The following SRPK1 variants were observed in gnomAD, a reference collection of about 807,000 sequenced individuals.
SRPK1 encodes the protein SFRS protein kinase 1.
SRPK1 carries 52 observed loss-of-function variants against 89.5 expected under a neutral mutation model. The observed-to-expected ratio is 0.58, with a 90% CI of 0.46 to 0.73. SRPK1 has a LOEUF of 0.73. Ranked by LOEUF, SRPK1 falls within the 30% of genes least tolerant of loss-of-function variation. The pLI is 0.00. For synonymous variants in SRPK1, 255 were observed against 270.2 expected (o/e 0.94, Z 0.55); for missense variants, 603 against 780.6 (o/e 0.77, Z 2.71).
intron 8 of SRPK1, among the ~76,000 whole-genome samples, chr6:35,871,458 CATA>C (rs1324083275): frequency 6.6e-6 from 1 of 152,180 alleles, no homozygotes; most frequent in Admixed American, 6.5e-5. Flanking sequence ...ACAAAAAACA[CATA>C]ATAAAAATTT....
At chr6:35,909,877 T>C (rs1023998107) in intron 2 of SRPK1, among the ~76,000 whole-genome samples, 2 of 152,212 alleles carry the variant, frequency 1.3e-5, no homozygotes, top group Non-Finnish European at 2.9e-5. Flanking sequence ...TGCTTCCTGG[T>C]AAGCCTGTGG....
chr6:35,902,201 G>A (rs1488387209), intron 2 of SRPK1, among the ~76,000 whole-genome samples: 1 of 141,466 alleles, frequency 7.1e-6, no homozygotes, highest in Non-Finnish European at 1.5e-5. Context: ...CTTGAGCCCA[G>A]CCTGGGCCAG....
intron 12 of SRPK1, among the ~76,000 whole-genome samples, chr6:35,857,681 T>C (rs1392728169): frequency 2.0e-5 from 3 of 152,242 alleles, no homozygotes; most frequent in African/African-American, 7.2e-5. Context: ...TTACCCATGC[T>C]GGACTCAAAC....
rs1029012644 is a variant in SRPK1, at chr6:35,920,611, C to G, written c.14-83G>C. The stretch of plus-strand genomic sequence containing the variant: ...GAGGGTGGAGACCCAGCAGGGGCGC[C>G]AGGCCCGGCTGCGGGGCCTGCCTCG... On this transcript the variant is annotated intron_variant, in intron 1 of 15. Transcript: ENST00000373825. 2.3e-6 allele frequency: 3 copies of G among 1,286,990 alleles called. No homozygotes were observed. The African/African-American group carries it at 4.6e-5, about 20-fold the overall frequency. The allele number at this position is 1,286,990 out of a possible 1,614,324, so 79.7% of individuals were successfully genotyped here.
intron 12 of SRPK1, among the ~76,000 whole-genome samples, chr6:35,863,830 G>C (rs1488359103): frequency 2.0e-5 from 3 of 152,052 alleles, no homozygotes; most frequent in Non-Finnish European, 4.4e-5. Context: ...ACCAGTAACA[G>C]TAAGTATACA....
At position 35,870,221 on chromosome 6, in the gene SRPK1, C is replaced by A. The variant is rs1365487928; in HGVS notation, c.991+60G>T. On this transcript the variant is annotated intron_variant, in intron 10 of 15. Coordinates refer to ENST00000373825, the MANE Select transcript of SRPK1 (RefSeq NM_003137.5). The stretch of plus-strand genomic sequence containing the variant: ...TGTATGAAACCACTGTATTATATAG[C>A]AATGATAAATTAACGTTAAAGTGTG... The A allele has an allele frequency of 4.2e-6, 6 of 1,442,862 alleles. No individual in the cohort carries two copies. The African/African-American group carries it at 7.0e-5, about 17-fold the overall frequency. 89.4% of individuals were successfully genotyped at this position (1,442,862 alleles called of 1,614,324 possible).
chr6:35,854,395 T>G (rs2151083325), intron 13 of SRPK1, among the ~76,000 whole-genome samples: 1 of 152,336 alleles, frequency 6.6e-6, no homozygotes, highest in Non-Finnish European at 1.5e-5. Context: ...GGATGATCCA[T>G]CTCTTCAGGC....
At chr6:35,878,210 C>A (rs1244394704) in intron 6 of SRPK1, among the ~76,000 whole-genome samples, 2 of 152,170 alleles carry the variant, frequency 1.3e-5, no homozygotes, top group Admixed American at 6.5e-5. Context: ...TCATTTCCCA[C>A]TGAATGGAAT....
chr6:35,855,459 A>T (rs548918667), intron 13 of SRPK1, among the ~76,000 whole-genome samples: 19 of 152,186 alleles, frequency 1.2e-4, no homozygotes, highest in Non-Finnish European at 2.6e-4. Flanking sequence ...AACAGGTTGG[A>T]ATTGTTATCT....
intron 2 of SRPK1, among the ~76,000 whole-genome samples, chr6:35,901,315 A>G (rs1048352963): frequency 2.0e-5 from 3 of 152,220 alleles, no homozygotes; most frequent in African/African-American, 7.2e-5. Context: ...ATCCAACATG[A>G]CTACTGTCCT....
chr6:35,838,857 T>A, intron 14 of SRPK1: 1 of 1,343,934 alleles, frequency 7.4e-7, no homozygotes, highest in Non-Finnish European at 9.9e-7. Context: ...GGTTTTTCTA[T>A]GAATAGCTTT....
intron 1 of SRPK1, 129 bp downstream of exon 1, chr6:35,920,915 C>G (rs1771223903): frequency 2.9e-6 from 3 of 1,039,990 alleles, no homozygotes; most frequent in Non-Finnish European, 4.0e-6. Context: ...TGGGGCGGCG[C>G]CACCTCAGTG....
intron 2 of SRPK1, among the ~76,000 whole-genome samples, chr6:35,904,570 G>A (rs993935178): frequency 1.3e-5 from 2 of 152,142 alleles, no homozygotes; most frequent in African/African-American, 4.8e-5. Context: ...GGAGGCCGAG[G>A]CAGGCAGATC....
intron 13 of SRPK1, 186 bp downstream of exon 13, chr6:35,857,075 A>G (rs1204701803): frequency 1.9e-6 from 1 of 518,068 alleles, no homozygotes; most frequent in Non-Finnish European, 3.4e-6. Context: ...ACTTAGCAGT[A>G]ACCAAATGAA....
Position 35,916,040 on chromosome 6 carries a change from A to G in SRPK1, c.74+4428T>C, listed in dbSNP as rs529305547. Among the ~76,000 whole-genome samples the G allele has an allele frequency of 2.8e-3, 333 of 117,610 alleles. 4 individuals carry two copies. Among genetic ancestry groups the G allele is most frequent in the African/African-American group, 9.1e-3 (310 of 34,248 alleles). The allele number at this position is 117,610 out of a possible 152,430, so 77.2% of individuals were successfully genotyped here. ...CACACACACACACACACACACACACACACGTTTATTAATAAAAATTAAAAT... is the reference window on the plus strand; with the variant it reads ...CACACACACACACACACACACACACGCACGTTTATTAATAAAAATTAAAAT... On this transcript the variant is annotated intron_variant, in intron 2 of 15. Transcript: ENST00000373825.
rs1007217338 is a variant in SRPK1 at position 35,834,971 on chromosome 6, C to T, written c.*333G>A. On this transcript the variant is annotated 3_prime_UTR_variant, in exon 16 of 16. Transcript: ENST00000373825. ...CAATGAATAAAAGGATGGGCTCATA[C>T]ACCTTCATAGCTCTTTTCAAAAAGG... The T allele has an allele frequency of 5.4e-6, 1 of 186,402 alleles. No homozygotes were observed. The highest frequency in any genetic ancestry group is 2.3e-5 in the African/African-American group (1 of 42,812). 11.5% of individuals were successfully genotyped at this position (186,402 alleles called of 1,614,324 possible). A position where few individuals can be genotyped will look rare whatever the true frequency, so the allele number is the denominator to read the frequency against.
In SRPK1 at chr6:35,851,382, C is replaced by G. The variant is rs1769552814; in HGVS notation, c.1620+5879G>C. ...AGAGACAGGGTTTCACCAGGTTGGC[C>G]AGCCTGGTCTTGAACTCCAGATATC... On this transcript the variant is annotated intron_variant, in intron 13 of 15. Transcript: ENST00000373825. Among the ~76,000 whole-genome samples, 2 of 151,916 alleles carry G rather than the reference C, an allele frequency of 1.3e-5. 1 individual carries two copies. Among genetic ancestry groups the G allele is most frequent in the African/African-American group, 4.8e-5 (2 of 41,356 alleles).
intron 2 of SRPK1, among the ~76,000 whole-genome samples, chr6:35,915,925 T>C (rs147503470): frequency 0.019 from 2,683 of 140,152 alleles, 108 homozygotes; most frequent in African/African-American, 0.069. Context: ...AGAGCCGAGA[T>C]TGCACCACTG....
intron 12 of SRPK1, among the ~76,000 whole-genome samples, chr6:35,867,437 T>C (rs55905365): frequency 7.9e-5 from 12 of 152,362 alleles, no homozygotes; most frequent in Non-Finnish European, 1.0e-4. Context: ...GTCTGAACCA[T>C]GTCCCATTTA....
Sources: allele counts gnomAD v4.1 joint callset (sites outside exome capture counted in the v4.1 genomes callset), GRCh38; gene constraint gnomAD v4.1.1; transcripts MANE v1.5; gene names NCBI Gene and HGNC (gene_info 2026-07-23, HGNC 2026-07-21).